Variants in MTF1 observed in about 807,000 individuals in gnomAD.
The protein encoded by MTF1 is MRE-binding transcription factor.
MTF1 carries 22 observed loss-of-function variants against 70.4 expected under a neutral mutation model. The observed-to-expected ratio is 0.31, with a 90% CI of 0.22 to 0.45. MTF1 has a LOEUF of 0.45. Among genes scored for constraint, MTF1 ranks in the 20% least tolerant of loss-of-function variants. MTF1 has a pLI of 1.00. For synonymous variants in MTF1, 333 were observed against 352.8 expected (o/e 0.94, Z 0.63); for missense variants, 649 against 922.0 (o/e 0.70, Z 3.83).
At chr1:37,854,293 G>A (rs538769294) in intron 2 of MTF1, among the ~76,000 whole-genome samples, 1 of 152,348 alleles carries the variant, frequency 6.6e-6, no homozygotes, top group East Asian at 1.9e-4. Context: ...ACAGGCGTGA[G>A]CCACCATGTC....
At chr1:37,839,186 A>G (rs1056317100) in intron 3 of MTF1, among the ~76,000 whole-genome samples, 15 of 152,166 alleles carry the variant, frequency 9.9e-5, no homozygotes, top group Admixed American at 4.6e-4. Context: ...TTCTATACCC[A>G]TAACATATTA....
rs758597371 is a variant in MTF1 at position 37,835,113 on chromosome 1, G to T, written c.956C>A (p.Ser319Ter). Reference sequence around the variant, plus strand: ...ATTGTGTTGTGGAAGTGCATTGTATGAGTGTCCTTTGTTATCATGACCTTT... The same window carrying T: ...ATTGTGTTGTGGAAGTGCATTGTATTAGTGTCCTTTGTTATCATGACCTTT... Reference protein sequence around the residue: ...HMKGHDNKGHSYNALPQHNGS... With the variant: ...HMKGHDNKGH Residue 319 changes from serine to a stop codon, truncating the protein, a stop_gained, in exon 6 of 11, where the codon TCA becomes TAA. Coordinates refer to ENST00000373036, the MANE Select transcript of MTF1 (RefSeq NM_005955.3). LOFTEE classifies it high-confidence loss of function. 1 of 1,614,134 alleles carries T rather than the reference G, an allele frequency of 6.2e-7. No homozygotes were observed. Among genetic ancestry groups the T allele is most frequent in the Non-Finnish European group, 8.5e-7 (1 of 1,179,982 alleles).
Position 37,812,794 on chromosome 1 carries a change from T to A in MTF1, c.*2342A>T, listed in dbSNP as rs1040793984. On this transcript the variant is annotated 3_prime_UTR_variant, in exon 11 of 11. Coordinates refer to ENST00000373036, the MANE Select transcript of MTF1 (RefSeq NM_005955.3). ...GTCCCATCACTACTCTCTCAGAAGT[T>A]GTAAACAGCAAGGGCCCTACCTCAA... is the stretch of plus-strand genomic sequence containing the variant. 6.6e-6 allele frequency: 1 copy of A among 152,198 alleles called. No individual in the cohort carries two copies. Among genetic ancestry groups the A allele is most frequent in the African/African-American group, 2.4e-5 (1 of 41,420 alleles). The allele number at this position is 152,198 out of a possible 1,614,324, so 9.4% of individuals were successfully genotyped here. A position where few individuals can be genotyped will look rare whatever the true frequency, so the allele number is the denominator to read the frequency against.
chr1:37,835,047 T>C, intron 6 of MTF1, 32 bp downstream of exon 6: 1 of 1,609,864 alleles, frequency 6.2e-7, no homozygotes, highest in Non-Finnish European at 8.5e-7. Context: ...AGTTCTATGG[T>C]ACCCAGATCA....
chr1:37,857,470 G>C lies in MTF1; in HGVS notation c.189C>G (p.Asp63Glu). The change falls in exon 2 of 11, where the codon GAC becomes GAG. Residue 63 changes from aspartate to glutamate, a missense_variant. Physicochemically the swap from Asp to Glu is conservative, Grantham distance 45. This residue lies in a region of MTF1 where 44 missense variants were observed against 38.1 expected (regional missense o/e 1.15). Transcript: ENST00000373036. Reference sequence around the variant, plus strand: ...GCAAGTGTTCTCCGCACTGTCCGTCGTCATCTTCATCCTCCAAAGTGCCAG... The same window carrying C: ...GCAAGTGTTCTCCGCACTGTCCGTCCTCATCTTCATCCTCCAAAGTGCCAG... ...QDPGTLEDEDDDGQCGEHLPF... is the reference protein window; with the variant it reads ...QDPGTLEDEDEDGQCGEHLPF... 1 of 1,614,100 alleles carries C rather than the reference G, an allele frequency of 6.2e-7. No homozygotes were observed. The highest frequency in any genetic ancestry group is 8.5e-7 in the Non-Finnish European group (1 of 1,180,018).
chr1:37,838,055 T>G (rs567584018), intron 4 of MTF1, among the ~76,000 whole-genome samples: 1 of 152,314 alleles, frequency 6.6e-6, no homozygotes, highest in South Asian at 2.1e-4. Context: ...CATATATGAA[T>G]AAAAATGGAT....
intron 2 of MTF1, among the ~76,000 whole-genome samples, chr1:37,853,948 C>T (rs1641453502): frequency 6.6e-6 from 1 of 152,178 alleles, no homozygotes; most frequent in Admixed American, 6.5e-5. Flanking sequence ...GAAATGAACC[C>T]CCCTACAAGC....
At chr1:37,851,859 TA>T (rs374629951) in intron 2 of MTF1, among the ~76,000 whole-genome samples, 14,931 of 136,698 alleles carry the variant, frequency 0.11, 870 homozygotes, top group Middle Eastern at 0.25. Flanking sequence ...CAAACTTATT[TA>T]AAAAAAAAAA....
chr1:37,830,597 T>G (rs1641071698), intron 7 of MTF1, among the ~76,000 whole-genome samples: 1 of 152,260 alleles, frequency 6.6e-6, no homozygotes, highest in Admixed American at 6.5e-5. Context: ...TTACCTTTTC[T>G]CTTGTGGAGG....
intron 9 of MTF1, among the ~76,000 whole-genome samples, chr1:37,818,199 G>C (rs906024862): frequency 6.6e-6 from 1 of 152,212 alleles, no homozygotes; most frequent in African/African-American, 2.4e-5. Flanking sequence ...GAGAGGCTGG[G>C]TTTTTAAGAG....
At chr1:37,831,633 A>G (rs1237869509) in intron 7 of MTF1, among the ~76,000 whole-genome samples, 1 of 152,216 alleles carries the variant, frequency 6.6e-6, no homozygotes. Flanking sequence ...TGGGAATGGC[A>G]GTCAAATTTC....
chr1:37,845,069 A>G (rs1489916978), intron 2 of MTF1, among the ~76,000 whole-genome samples: 1 of 152,238 alleles, frequency 6.6e-6, no homozygotes. Context: ...TGTAAGCTCC[A>G]TGAGAGCAAG....
intron 7 of MTF1, among the ~76,000 whole-genome samples, chr1:37,830,846 T>C (rs1015232583): frequency 6.6e-6 from 1 of 152,002 alleles, no homozygotes; most frequent in Non-Finnish European, 1.5e-5. Context: ...GGCGCAGGGG[T>C]CAGCCAGAGA....
chr1:37,821,412 T>C (rs1390420845), intron 9 of MTF1, among the ~76,000 whole-genome samples: 1 of 152,194 alleles, frequency 6.6e-6, no homozygotes, highest in African/African-American at 2.4e-5. Context: ...ATTATTAGTA[T>C]TTAATATTTA....
chr1:37,818,715 C>T (rs1157944455), intron 9 of MTF1, among the ~76,000 whole-genome samples: 1 of 146,858 alleles, frequency 6.8e-6, no homozygotes, highest in Non-Finnish European at 1.5e-5. Flanking sequence ...AAAAAAAAGG[C>T]CAGGTGTGGT....
chr1:37,852,431 G>A (rs917133247), intron 2 of MTF1, among the ~76,000 whole-genome samples: 3 of 152,088 alleles, frequency 2.0e-5, no homozygotes, highest in Admixed American at 6.5e-5. Context: ...TGGAGGGTGC[G>A]GAGAGCAGAG....
chr1:37,851,644 G>A (rs1231977019), intron 2 of MTF1, among the ~76,000 whole-genome samples: 1 of 152,140 alleles, frequency 6.6e-6, no homozygotes, highest in African/African-American at 2.4e-5. Flanking sequence ...GCTCTGAGAA[G>A]TCCTAATCAA....
intron 10 of MTF1, among the ~76,000 whole-genome samples, chr1:37,816,050 A>T (rs372008646): frequency 1.3e-5 from 2 of 152,314 alleles, no homozygotes; most frequent in East Asian, 3.9e-4. Flanking sequence ...GCCTCCCGGC[A>T]CACATGCACA....
rs1200588409 is a variant in MTF1, at chr1:37,815,247, C to T, written c.2151G>A (p.Val717=). Residue 717 remains valine (V), a synonymous_variant, in exon 11 of 11, where the codon GTG becomes GTA. Transcript: ENST00000373036. This position sits in a 1 kb window ranked among gnomAD's most constrained non-coding sequence, Gnocchi z 4.5. The part of the protein sequence containing the change: ...PQTETLSAMD[V]SEFLSLQSLD... ...GGCTCTGGAGGGATAGAAACTCTGA[C>T]ACATCCATGGCACTTAATGTTTCTG... 1 of 1,614,084 alleles carries T rather than the reference C, an allele frequency of 6.2e-7. No homozygotes were observed. The highest frequency in any genetic ancestry group is 2.2e-5 in the East Asian group (1 of 44,852).
Sources: gnomAD v4.1 joint callset for allele counts (sites outside exome capture counted in the v4.1 genomes callset) on GRCh38, gnomAD v4.1.1 for gene constraint, gnomAD v4.1.1 regional missense constraint, Gnocchi (gnomAD v3.1) non-coding constraint, MANE v1.5 for transcripts, NCBI Gene and HGNC (gene_info 2026-07-23, HGNC 2026-07-21) for gene names.